ST6GAL1: variants seen among roughly 807,000 people sequenced by gnomAD.
ST6GAL1 encodes beta-galactoside alpha-2,6-sialyltransferase 1.
ST6GAL1 carries 20 observed loss-of-function variants against 38.0 expected under a neutral mutation model. The ratio of observed to expected loss-of-function variants is 0.53; its 90% CI spans 0.37 to 0.77. ST6GAL1 has a LOEUF of 0.77. ST6GAL1 is among the 30% of genes least tolerant of loss of function. ST6GAL1 has a pLI of 0.00. For missense variants in ST6GAL1, 432 were observed against 496.4 expected, an observed-to-expected ratio of 0.87 and a Z score of 1.23; for synonymous variants, 196 against 188.2, an observed-to-expected ratio of 1.04 and a Z score of -0.34.
intron 1 of ST6GAL1, among the ~76,000 whole-genome samples, chr3:186,949,695 GA>G (rs1714510646): frequency 6.6e-6 from 1 of 152,154 alleles, no homozygotes; most frequent in Non-Finnish European, 1.5e-5. Context: ...ACCTTCCTCA[GA>G]AAGACCTTAT....
intron 2 of ST6GAL1, among the ~76,000 whole-genome samples, chr3:187,030,114 T>C (rs982477506): frequency 1.3e-5 from 2 of 152,066 alleles, no homozygotes; most frequent in Non-Finnish European, 2.9e-5. Flanking sequence ...ATCCTAAAAG[T>C]GGATATTAAT....
At chr3:187,060,663 C>G (rs1159044787) in intron 5 of ST6GAL1, among the ~76,000 whole-genome samples, 1 of 152,136 alleles carries the variant, frequency 6.6e-6, no homozygotes, top group African/African-American at 2.4e-5. Flanking sequence ...GGGCTGCTTG[C>G]GATTTGCAGT....
chr3:187,068,814 G>C (rs1416464884), intron 5 of ST6GAL1, among the ~76,000 whole-genome samples: 1 of 152,204 alleles, frequency 6.6e-6, no homozygotes, highest in African/African-American at 2.4e-5. Flanking sequence ...ATAGAAAGAA[G>C]CATAGCTAAA....
At chr3:186,951,300 G>T (rs1187110243) in intron 1 of ST6GAL1, among the ~76,000 whole-genome samples, 2 of 152,032 alleles carry the variant, frequency 1.3e-5, no homozygotes, top group African/African-American at 4.8e-5. Flanking sequence ...CAGGCAATCC[G>T]CCCACATCGG....
At chr3:186,962,863 C>T (rs763804918) in intron 1 of ST6GAL1, among the ~76,000 whole-genome samples, 49 of 152,000 alleles carry the variant, frequency 3.2e-4, no homozygotes, top group Middle Eastern at 3.2e-3. Flanking sequence ...TCCTTGGGTA[C>T]GTATATATTA....
rs1719568061 is a variant in ST6GAL1 at position 187,076,547 on chromosome 3, C to T, written c.*744C>T. On this transcript the variant is annotated 3_prime_UTR_variant, in exon 8 of 8. Coordinates refer to ENST00000169298, the MANE Select transcript of ST6GAL1 (RefSeq NM_173216.2). ...GGTAGGATTCAGTGTGCTCAGTGCA[C>T]TGGGGATTTGGAGAGAGATGGGCTT... The T allele has an allele frequency of 3.2e-6, 1 of 317,402 alleles. No individual in the cohort carries two copies. The highest frequency in any genetic ancestry group is 5.7e-6 in the Non-Finnish European group (1 of 175,978). 19.7% of individuals were successfully genotyped at this position (317,402 alleles called of 1,614,324 possible). A position where few individuals can be genotyped will look rare whatever the true frequency, so the allele number is the denominator to read the frequency against.
At chr3:186,963,484 G>A (rs4686820) in intron 1 of ST6GAL1, among the ~76,000 whole-genome samples, 129,075 of 152,242 alleles carry the variant, frequency 0.85, 54,829 homozygotes, top group Middle Eastern at 0.94. Flanking sequence ...CTCTAAACAC[G>A]AGACTTGGGC....
intron 5 of ST6GAL1, among the ~76,000 whole-genome samples, chr3:187,063,643 C>T (rs536450478): frequency 6.6e-6 from 1 of 152,306 alleles, no homozygotes; most frequent in Admixed American, 6.5e-5. Context: ...ACTGCGGAGG[C>T]TACCTACTCT....
intron 5 of ST6GAL1, among the ~76,000 whole-genome samples, chr3:187,059,469 G>C (rs1718834198): frequency 6.6e-6 from 1 of 152,174 alleles, no homozygotes; most frequent in African/African-American, 2.4e-5. Flanking sequence ...TAAATATCCA[G>C]GAGAGATGTT....
intron 5 of ST6GAL1, among the ~76,000 whole-genome samples, chr3:187,068,074 G>A (rs1395353937): frequency 6.6e-6 from 1 of 152,196 alleles, no homozygotes; most frequent in Non-Finnish European, 1.5e-5. Flanking sequence ...CGGGTGTGGT[G>A]GCTCATGCCT....
intron 2 of ST6GAL1, among the ~76,000 whole-genome samples, chr3:187,020,658 G>T (rs1717266100): frequency 6.6e-6 from 1 of 152,202 alleles, no homozygotes; most frequent in Non-Finnish European, 1.5e-5. Context: ...TCAGAAATCT[G>T]CATGGTAGCC....
At chr3:186,955,180 A>G (rs1419481441) in intron 1 of ST6GAL1, among the ~76,000 whole-genome samples, 1 of 152,116 alleles carries the variant, frequency 6.6e-6, no homozygotes, top group Non-Finnish European at 1.5e-5. Context: ...GTGCTGTCCC[A>G]TTGGTCTGTG....
chr3:186,978,906 C>T (rs547665180), intron 2 of ST6GAL1, among the ~76,000 whole-genome samples: 16 of 151,876 alleles, frequency 1.1e-4, no homozygotes, highest in South Asian at 2.1e-4. Flanking sequence ...GCATGCCTTG[C>T]TCTGCTTGGT....
At chr3:186,943,111 A>C (rs1456463786) in intron 1 of ST6GAL1, among the ~76,000 whole-genome samples, 1 of 152,220 alleles carries the variant, frequency 6.6e-6, no homozygotes, top group African/African-American at 2.4e-5. Flanking sequence ...TAGTGTGATA[A>C]ATATTATGAT....
intron 4 of ST6GAL1, among the ~76,000 whole-genome samples, chr3:187,046,274 G>A (rs1718293760): frequency 6.6e-6 from 1 of 152,194 alleles, no homozygotes; most frequent in Admixed American, 6.5e-5. Flanking sequence ...GAGCCAGGAT[G>A]TCTAGCCTGG....
In ST6GAL1 at chr3:186,969,011, T is replaced by A. The variant is rs542616526; in HGVS notation, c.-183+5085T>A. Among the ~76,000 whole-genome samples the A allele has an allele frequency of 5.3e-5, 8 of 151,872 alleles. No individual in the cohort carries two copies. In the South Asian group the frequency reaches 1.3e-3, roughly 24 times the overall value. On this transcript the variant is annotated intron_variant, in intron 2 of 7. Transcript: ENST00000169298. ...ACTTCCTTGCCAACACTTGGTATGA[T>A]CTATCTTTTTCTTTTTCTTTTTTTC...
At chr3:187,015,872 A>G (rs1182219565) in intron 2 of ST6GAL1, among the ~76,000 whole-genome samples, 1 of 152,170 alleles carries the variant, frequency 6.6e-6, no homozygotes, top group Non-Finnish European at 1.5e-5. Context: ...AAAAGAGTAC[A>G]GTCTTGGATT....
intron 2 of ST6GAL1, among the ~76,000 whole-genome samples, chr3:187,025,234 C>A (rs940201221): frequency 6.6e-6 from 1 of 152,088 alleles, no homozygotes; most frequent in Non-Finnish European, 1.5e-5. Context: ...GAAACTGATA[C>A]AAAGTCTGGC....
At chr3:187,034,984 A>T (rs540013342) in intron 2 of ST6GAL1, among the ~76,000 whole-genome samples, 1 of 152,300 alleles carries the variant, frequency 6.6e-6, no homozygotes, top group East Asian at 1.9e-4. Flanking sequence ...TGACAATATG[A>T]TTCTATACCT....
Sources: gnomAD v4.1 joint callset for allele counts (sites outside exome capture counted in the v4.1 genomes callset) on GRCh38, gnomAD v4.1.1 for gene constraint, MANE v1.5 for transcripts, NCBI Gene and HGNC (gene_info 2026-07-23, HGNC 2026-07-21) for gene names.